STPG4: variants seen among roughly 807,000 people sequenced by gnomAD.
The protein encoded by STPG4 is sperm-tail PG-rich repeat containing 4, also known as protein STPG4.
In STPG4, 41 loss-of-function variants were observed where a neutral mutation model predicts 31.5. The observed-to-expected ratio is 1.30, with a 90% confidence interval of 1.01 to 1.69. The LOEUF (loss-of-function observed/expected upper bound fraction) is 1.69. STPG4 is among the 40% of genes most tolerant of loss of function. The pLI is 0.00. For missense variants in STPG4, 375 were observed against 293.4 expected (o/e 1.28, Z -2.03); for synonymous variants, 141 against 103.0 (o/e 1.37, Z -2.24).
chr2:47,121,631 T>C (rs772482129), intron 5 of STPG4, among the ~76,000 whole-genome samples: 4 of 152,208 alleles, frequency 2.6e-5, no homozygotes, highest in Non-Finnish European at 5.9e-5. Context: ...TTCAGTGTCT[T>C]AAACAAACAA....
intron 5 of STPG4, among the ~76,000 whole-genome samples, chr2:47,101,775 T>G (rs1200544650): frequency 1.3e-5 from 2 of 151,846 alleles, no homozygotes; most frequent in African/African-American, 4.9e-5. Flanking sequence ...ATTGTATCCT[T>G]CCTATTCATG....
At chr2:47,132,164 G>GAAA (rs56055267) in intron 3 of STPG4, among the ~76,000 whole-genome samples, 1 of 139,298 alleles carries the variant, frequency 7.2e-6, no homozygotes, top group Non-Finnish European at 1.5e-5. Flanking sequence ...GACTCACTCT[G>GAAA]AAAAAAAAAA....
At chr2:47,151,922 T>TTG (rs1441172782) in intron 2 of STPG4, among the ~76,000 whole-genome samples, 68 of 37,132 alleles carry the variant, frequency 1.8e-3, no homozygotes, top group Non-Finnish European at 2.9e-3. Context: ...TTGTTTTGTT[T>TTG]TTTTTTTTTT....
intron 6 of STPG4, among the ~76,000 whole-genome samples, chr2:47,089,029 C>A (rs894017700): frequency 1.3e-5 from 2 of 152,146 alleles, no homozygotes; most frequent in Admixed American, 1.3e-4. Flanking sequence ...CCACCAACAA[C>A]CTTCTGGTTG....
At chr2:47,126,150 T>C (rs1248640314) in intron 5 of STPG4, among the ~76,000 whole-genome samples, 1 of 152,242 alleles carries the variant, frequency 6.6e-6, no homozygotes, top group Non-Finnish European at 1.5e-5. Context: ...TGAAGTCAGG[T>C]AATATGATTC....
At position 47,087,110 on chromosome 2, in the gene STPG4, T is replaced by A; in HGVS notation, c.645A>T (p.Ala215=). Residue 215 remains alanine, a synonymous_variant, in exon 7 of 7, where the codon GCA becomes GCT. Transcript: ENST00000445927. ...TAGGGAATTGTCTTAAAGTTGTATA[T>A]GCTCCTGGGCCTGGGGTTTTCTGAA... is the stretch of plus-strand genomic sequence containing the variant. ...PSCSKTPGPG[A]YTTLRQFPKQ... is the part of the protein sequence containing the mutation. 6.4e-7 allele frequency: 1 copy of A among 1,551,840 alleles called. No individual in the cohort carries two copies. Among genetic ancestry groups the A allele is most frequent in the South Asian group, 1.2e-5 (1 of 84,066 alleles).
At chr2:47,120,435 G>C (rs1416458121) in intron 5 of STPG4, among the ~76,000 whole-genome samples, 1 of 152,000 alleles carries the variant, frequency 6.6e-6, no homozygotes, top group Non-Finnish European at 1.5e-5. Context: ...AGAAATTTAG[G>C]ATAAGAATGT....
At chr2:47,095,251 T>G (rs1685646561) in intron 5 of STPG4, among the ~76,000 whole-genome samples, 1 of 152,212 alleles carries the variant, frequency 6.6e-6, no homozygotes, top group South Asian at 2.1e-4. Flanking sequence ...ATGTAATTAT[T>G]TAAGCTGCAG....
Position 47,155,238 on chromosome 2 carries a change from G to T in STPG4, c.14C>A (p.Ala5Asp). 1 of 1,614,150 alleles carries T rather than the reference G, an allele frequency of 6.2e-7. No homozygotes were observed. The highest frequency in any genetic ancestry group is 8.5e-7 in the Non-Finnish European group (1 of 1,180,004). Residue 5 changes from alanine to aspartate, a missense_variant, in exon 1 of 7, where the codon GCC becomes GAC. By Grantham distance (126) the Ala-to-Asp change is moderately radical. Coordinates refer to ENST00000445927, the MANE Select transcript of STPG4 (RefSeq NM_001163561.2). The part of the protein sequence containing the change: MDQP[A>D]VATASTSIRE... ...TATTGAGGTGGAAGCGGTGGCGACG[G>T]CTGGCTGGTCCATGGTGGCCTCCTC...
At chr2:47,154,280 A>C (rs1187092549) in intron 1 of STPG4, among the ~76,000 whole-genome samples, 1 of 152,202 alleles carries the variant, frequency 6.6e-6, no homozygotes, top group Non-Finnish European at 1.5e-5. Context: ...CTTCTTTGAT[A>C]CTTCTTCGCG....
At chr2:47,127,858 T>C (rs1314087963) in intron 5 of STPG4, among the ~76,000 whole-genome samples, 1 of 152,138 alleles carries the variant, frequency 6.6e-6, no homozygotes, top group Non-Finnish European at 1.5e-5. Flanking sequence ...ATTCGATTGG[T>C]GAGGTTGTGT....
At chr2:47,127,404 G>T (rs1420760807) in intron 5 of STPG4, among the ~76,000 whole-genome samples, 3 of 151,890 alleles carry the variant, frequency 2.0e-5, no homozygotes, top group Non-Finnish European at 4.4e-5. Context: ...AAGTAGCAGG[G>T]ATTACAGGTG....
At chr2:47,104,792 A>G (rs1397704895) in intron 5 of STPG4, among the ~76,000 whole-genome samples, 1 of 151,980 alleles carries the variant, frequency 6.6e-6, no homozygotes, top group African/African-American at 2.4e-5. Flanking sequence ...TTTCTAGCTA[A>G]TCAAGGGTAC....
At position 47,151,563 on chromosome 2, in the gene STPG4, C is replaced by T. The variant is rs114440575; in HGVS notation, c.142-48G>A. ...TTAAGATTGTGTAAACATGTAACTT[C>T]TCCTAAAACACCATTCTTGGATGGG... On this transcript the variant is annotated intron_variant, in intron 2 of 6. Coordinates refer to ENST00000445927, the MANE Select transcript of STPG4 (RefSeq NM_001163561.2). 5.2e-3 allele frequency: 7,943 copies of T among 1,532,468 alleles called. 48 individuals carry two copies. Among genetic ancestry groups the T allele is most frequent in the Non-Finnish European group, 6.5e-3 (7,235 of 1,119,154 alleles). 94.9% of individuals were successfully genotyped at this position (1,532,468 alleles called of 1,614,324 possible).
At chr2:47,131,422 C>T (rs1464490463) in intron 3 of STPG4, among the ~76,000 whole-genome samples, 6 of 152,144 alleles carry the variant, frequency 3.9e-5, no homozygotes, top group Admixed American at 3.9e-4. Flanking sequence ...TCACTATGTC[C>T]AGCCGTGATC....
intron 5 of STPG4, among the ~76,000 whole-genome samples, chr2:47,104,216 G>T (rs1246652362): frequency 6.6e-6 from 1 of 151,936 alleles, no homozygotes; most frequent in African/African-American, 2.4e-5. Context: ...GTCCAAATCA[G>T]GTTAAAAGAT....
At chr2:47,087,843 G>A (rs566710213) in intron 6 of STPG4, among the ~76,000 whole-genome samples, 1 of 152,218 alleles carries the variant, frequency 6.6e-6, no homozygotes, top group Admixed American at 6.5e-5. Flanking sequence ...CTGCCTCCCG[G>A]GTTCAAGCGA....
chr2:47,090,382 A>G lies in STPG4; in HGVS notation c.520-8T>C. 6.5e-7 allele frequency: 1 copy of G among 1,530,334 alleles called. No individual in the cohort carries two copies. Among genetic ancestry groups the G allele is most frequent in the Non-Finnish European group, 8.9e-7 (1 of 1,129,026 alleles). The allele number at this position is 1,530,334 out of a possible 1,614,324, so 94.8% of individuals were successfully genotyped here. A position where few individuals can be genotyped will look rare whatever the true frequency, so the allele number is the denominator to read the frequency against. The stretch of plus-strand genomic sequence containing the variant: ...TGGACCAGGGCCTTCATGCTATTGA[A>G]CATTTAAAAAATTGCTTCATTATTA... On this transcript the variant is annotated splice_polypyrimidine_tract_variant and splice_region_variant and intron_variant, in intron 5 of 6. Transcript: ENST00000445927.
At chr2:47,093,063 T>C (rs1422799619) in intron 5 of STPG4, among the ~76,000 whole-genome samples, 1 of 152,178 alleles carries the variant, frequency 6.6e-6, no homozygotes, top group Admixed American at 6.5e-5. Flanking sequence ...AGTGCTGGGA[T>C]TACAGGTGTG....
Sources: gnomAD v4.1 joint callset for allele counts (sites outside exome capture counted in the v4.1 genomes callset) on GRCh38, gnomAD v4.1.1 for gene constraint, MANE v1.5 for transcripts, NCBI Gene and HGNC (gene_info 2026-07-23, HGNC 2026-07-21) for gene names.